DAB2IP: variants seen among roughly 807,000 people sequenced by gnomAD.
The protein encoded by DAB2IP is DAB2 interacting protein, also known as disabled homolog 2-interacting protein.
Under a neutral mutation model 107.2 loss-of-function variants are expected in DAB2IP, and 28 were observed. That is an observed-to-expected ratio of 0.26 (90% CI 0.19 to 0.36). DAB2IP has a LOEUF of 0.36. DAB2IP is among the 10% of genes least tolerant of loss of function. The probability of loss-of-function intolerance (pLI) is 1.00; values close to 1 mark genes in which losing one functional copy is unlikely to be tolerated. For missense variants in DAB2IP, 1,400 were observed against 1,644.7 expected (o/e 0.85, Z 2.57); for synonymous variants, 755 against 706.4 (o/e 1.07, Z -1.09).
rs181034499 is a variant in DAB2IP, at chr9:121,762,867, G to A, written c.1171-638G>A. 8.1e-4 allele frequency among the ~76,000 whole-genome samples: 124 copies of A among 152,366 alleles called. 1 individual carries two copies. The highest frequency in any genetic ancestry group is 1.4e-3 in the Non-Finnish European group (94 of 68,038). On this transcript the variant is annotated intron_variant, in intron 6 of 15. Transcript: ENST00000408936. ...TGCTGGGGTTTTCCCACAACACTGT[G>A]TGTGGGACCTGATGGGCCTGGGGCT...
At chr9:121,622,580 G>A (rs565147993) in intron 1 of DAB2IP, among the ~76,000 whole-genome samples, 4 of 152,258 alleles carry the variant, frequency 2.6e-5, no homozygotes, top group African/African-American at 7.2e-5. Context: ...CCCTCGTGTC[G>A]GGGCTCTGCT....
chr9:121,642,181 A>G (rs1329429564), intron 1 of DAB2IP, among the ~76,000 whole-genome samples: 4 of 150,918 alleles, frequency 2.7e-5, no homozygotes. Flanking sequence ...CCCTGGCTCA[A>G]GCAATCCTCT....
At chr9:121,727,113 A>T (rs1042795837) in intron 3 of DAB2IP, among the ~76,000 whole-genome samples, 1 of 152,054 alleles carries the variant, frequency 6.6e-6, no homozygotes, top group Non-Finnish European at 1.5e-5. Context: ...AGGATAAAGC[A>T]CTCTGAGGGG....
chr9:121,766,576 C>T, exon 9 of DAB2IP: 3 of 1,613,698 alleles, frequency 1.9e-6, no homozygotes, highest in Non-Finnish European at 2.5e-6. Context: ...CATCAGTGAG[C>T]GGCTCATCAG....
intron 3 of DAB2IP, among the ~76,000 whole-genome samples, chr9:121,738,817 TACTG>T (rs1433233667): frequency 6.6e-6 from 1 of 152,244 alleles, no homozygotes; most frequent in Non-Finnish European, 1.5e-5. Flanking sequence ...CATCAGGACT[TACTG>T]AGCTCTTATA....
chr9:121,773,953 C>G (rs1054667515), intron 12 of DAB2IP, among the ~76,000 whole-genome samples: 2 of 152,222 alleles, frequency 1.3e-5, no homozygotes, highest in Non-Finnish European at 2.9e-5. Context: ...ACAGCCCAGC[C>G]TGGCCCTGTC....
intron 3 of DAB2IP, among the ~76,000 whole-genome samples, chr9:121,720,201 T>C (rs1205666374): frequency 6.6e-6 from 1 of 152,194 alleles, no homozygotes; most frequent in African/African-American, 2.4e-5. Flanking sequence ...ATTTCGGTCC[T>C]TACTTCCTTG....
chr9:121,718,569 G>T (rs1830744673), intron 3 of DAB2IP, among the ~76,000 whole-genome samples: 1 of 152,288 alleles, frequency 6.6e-6, no homozygotes, highest in African/African-American at 2.4e-5. Flanking sequence ...GGACACTGCA[G>T]GCAAATGCTG....
At chr9:121,773,632 C>A in intron 12 of DAB2IP, 137 bp downstream of exon 12, 1 of 1,118,466 alleles carries the variant, frequency 8.9e-7, no homozygotes, top group Non-Finnish European at 1.2e-6. Flanking sequence ...CAGCCTGCCA[C>A]ATGCGCCACC....
chr9:121,765,141 C>T (rs946877634), intron 8 of DAB2IP, among the ~76,000 whole-genome samples: 1 of 152,186 alleles, frequency 6.6e-6, no homozygotes, highest in South Asian at 2.1e-4. Flanking sequence ...TGGAGGAGAG[C>T]GACTGTAGGG....
At chr9:121,676,309 G>T (rs1833901551) in intron 1 of DAB2IP, among the ~76,000 whole-genome samples, 1 of 152,232 alleles carries the variant, frequency 6.6e-6, no homozygotes, top group Admixed American at 6.5e-5. Flanking sequence ...TGGAAAGCCT[G>T]CTCCTTGTGT....
chr9:121,697,134 G>C (rs1471058664), intron 2 of DAB2IP, among the ~76,000 whole-genome samples: 1 of 152,104 alleles, frequency 6.6e-6, no homozygotes, highest in African/African-American at 2.4e-5. Context: ...AGAGTCACAG[G>C]GGGTGGAGTG....
At chr9:121,650,203 A>G (rs1024846702), upstream of DAB2IP, among the ~76,000 whole-genome samples, 1 of 152,210 alleles carries the variant, frequency 6.6e-6, no homozygotes, top group East Asian at 1.9e-4. Flanking sequence ...GGGATTGGCC[A>G]GTATTCAGGG....
intron 3 of DAB2IP, among the ~76,000 whole-genome samples, chr9:121,739,634 G>A (rs1179268665): frequency 3.9e-5 from 6 of 152,154 alleles, no homozygotes; most frequent in African/African-American, 9.7e-5. Flanking sequence ...GCCAGGGAAA[G>A]GAAGGGCTCC....
intron 9 of DAB2IP, among the ~76,000 whole-genome samples, chr9:121,767,669 C>A (rs1276303514): frequency 1.3e-5 from 2 of 152,160 alleles, no homozygotes; most frequent in Admixed American, 1.3e-4. Flanking sequence ...GATGGCCTTC[C>A]TCTGTTCTGG....
chr9:121,767,354 C>T (rs895740768), intron 9 of DAB2IP, among the ~76,000 whole-genome samples: 1 of 152,228 alleles, frequency 6.6e-6, no homozygotes, highest in African/African-American at 2.4e-5. Context: ...TGGCGCTCAG[C>T]ACTTCAGCCA....
In DAB2IP at chr9:121,760,355, C is replaced by T. The variant is rs1350825258; in HGVS notation, c.1086C>T (p.Ala362=). 6.2e-7 allele frequency: 1 copy of T among 1,612,612 alleles called. No individual in the cohort carries two copies. Among genetic ancestry groups the T allele is most frequent in the Non-Finnish European group, 8.5e-7 (1 of 1,180,004 alleles). ...ACCACTACCTGGGGCTGTGTGCAGC[C>T]CTCGAGCCCATCCTCAGTGCCAAGA... Residue 362 remains alanine (A), a synonymous_variant, in exon 6 of 16, where the codon GCC becomes GCT. Transcript: ENST00000408936. This position sits in a 1 kb window ranked among gnomAD's most constrained non-coding sequence, Gnocchi z 5.9.
chr9:121,714,533 A>G (rs965570481), intron 3 of DAB2IP, among the ~76,000 whole-genome samples: 12 of 152,242 alleles, frequency 7.9e-5, no homozygotes, highest in African/African-American at 2.9e-4. Context: ...GGCTGGACTC[A>G]GGAGTTACTG....
intron 3 of DAB2IP, among the ~76,000 whole-genome samples, chr9:121,722,165 A>C (rs892962548): frequency 6.6e-6 from 1 of 152,158 alleles, no homozygotes; most frequent in African/African-American, 2.4e-5. Flanking sequence ...GGGGCTGTCG[A>C]TCTCTCCGTT....
Sources: gnomAD v4.1 joint callset for allele counts (sites outside exome capture counted in the v4.1 genomes callset) on GRCh38, gnomAD v4.1.1 for gene constraint, Gnocchi (gnomAD v3.1) non-coding constraint, MANE v1.5 for transcripts, NCBI Gene and HGNC (gene_info 2026-07-23, HGNC 2026-07-21) for gene names.